PDE10A: variants seen among roughly 807,000 people sequenced by gnomAD.
PDE10A encodes phosphodiesterase 10A.
Under a neutral mutation model 97.7 loss-of-function variants are expected in PDE10A, and 39 were observed. The observed-to-expected ratio is 0.40, with a 90% CI of 0.31 to 0.52. The LOEUF is 0.52. PDE10A is among the 20% of genes least tolerant of loss of function. The pLI is 0.56. For missense variants in PDE10A, 731 were observed against 1,047.8 expected, an observed-to-expected ratio of 0.70 and a Z score of 4.17; for synonymous variants, 371 against 376.8, an observed-to-expected ratio of 0.98 and a Z score of 0.18.
intron 13 of PDE10A, among the ~76,000 whole-genome samples, chr6:165,403,487 TG>T (rs781037699): frequency 2.0e-5 from 3 of 152,178 alleles, no homozygotes; most frequent in Non-Finnish European, 2.9e-5. Flanking sequence ...GCACACCAAC[TG>T]GTATTCTTTA....
intron 1 of PDE10A, among the ~76,000 whole-genome samples, chr6:165,765,635 A>G (rs986668769): frequency 1.3e-5 from 2 of 151,282 alleles, no homozygotes; most frequent in African/African-American, 2.4e-5. Context: ...CGCAAGCGCC[A>G]CATGCAGCCC....
At chr6:165,943,379 C>T (rs1027983939) in intron 1 of PDE10A, among the ~76,000 whole-genome samples, 1 of 96,114 alleles carries the variant, frequency 1.0e-5, no homozygotes, top group Non-Finnish European at 2.1e-5. Context: ...AGAAAACGAA[C>T]GAACTGAGTA....
At chr6:165,624,630 T>C (rs1051116571) in intron 1 of PDE10A, among the ~76,000 whole-genome samples, 2 of 152,174 alleles carry the variant, frequency 1.3e-5, no homozygotes, top group East Asian at 3.8e-4. Flanking sequence ...CTTGTACAAA[T>C]GAATTGCAGC....
intron 2 of PDE10A, among the ~76,000 whole-genome samples, chr6:165,542,773 C>A (rs1008127530): frequency 8.6e-5 from 13 of 151,806 alleles, no homozygotes; most frequent in Non-Finnish European, 1.8e-4. Flanking sequence ...TGCCCACCAC[C>A]ATGCCCGGCT....
At chr6:165,943,219 GA>G (rs1163510297) in intron 1 of PDE10A, among the ~76,000 whole-genome samples, 1,912 of 72,296 alleles carry the variant, frequency 0.026, 45 homozygotes, top group Admixed American at 0.049. Flanking sequence ...AAGAAAGAAA[GA>G]AAGAAAGAAA....
At chr6:165,626,507 CAA>C (rs978222859) in intron 1 of PDE10A, among the ~76,000 whole-genome samples, 3 of 152,102 alleles carry the variant, frequency 2.0e-5, no homozygotes, top group South Asian at 4.1e-4. Context: ...AATAACCTAA[CAA>C]AGAGAGAAGA....
intron 1 of PDE10A, among the ~76,000 whole-genome samples, chr6:165,654,752 G>A (rs1789850525): frequency 6.6e-6 from 1 of 152,132 alleles, no homozygotes; most frequent in South Asian, 2.1e-4. Context: ...TATTATCCAT[G>A]CCACTCCACC....
chr6:165,477,007 T>C (rs1779332490), intron 3 of PDE10A, among the ~76,000 whole-genome samples: 1 of 152,096 alleles, frequency 6.6e-6, no homozygotes, highest in Admixed American at 6.5e-5. Context: ...AAAAGAGTAA[T>C]AGTAATAATA....
chr6:165,610,098 A>G (rs1432591882), intron 1 of PDE10A, among the ~76,000 whole-genome samples: 1 of 152,228 alleles, frequency 6.6e-6, no homozygotes, highest in Non-Finnish European at 1.5e-5. Context: ...ATGCTACCTG[A>G]CTTCAAACTA....
At chr6:165,881,465 A>AAG (rs1781476631) in intron 1 of PDE10A, among the ~76,000 whole-genome samples, 1 of 146,372 alleles carries the variant, frequency 6.8e-6, no homozygotes, top group Non-Finnish European at 1.5e-5. Flanking sequence ...GTGGGATTTC[A>AAG]GCTCACTGCA....
intron 6 of PDE10A, among the ~76,000 whole-genome samples, chr6:165,433,652 A>T (rs1200890150): frequency 6.6e-6 from 1 of 152,238 alleles, no homozygotes; most frequent in Non-Finnish European, 1.5e-5. Context: ...ATAATGATCA[A>T]TTACTTATCA....
At chr6:165,890,022 C>G (rs554358264) in intron 1 of PDE10A, among the ~76,000 whole-genome samples, 63 of 122,088 alleles carry the variant, frequency 5.2e-4, no homozygotes, top group Non-Finnish European at 9.3e-4. Context: ...CACTCCCTCC[C>G]TCCTCCCTCC....
At chr6:165,358,038 T>C (rs547114867) in intron 18 of PDE10A, among the ~76,000 whole-genome samples, 171 of 152,278 alleles carry the variant, frequency 1.1e-3, no homozygotes, top group African/African-American at 4.0e-3. Context: ...GGTTGAGGTA[T>C]TCTCGGACTT....
chr6:165,808,952 T>C (rs1779208086), intron 1 of PDE10A, among the ~76,000 whole-genome samples: 1 of 152,240 alleles, frequency 6.6e-6, no homozygotes, highest in Non-Finnish European at 1.5e-5. Flanking sequence ...ACAGTAAATA[T>C]AATCAGAGCA....
At chr6:165,624,414 GTTTAAGAC>G in intron 1 of PDE10A, among the ~76,000 whole-genome samples, 1 of 152,288 alleles carries the variant, frequency 6.6e-6, no homozygotes, top group East Asian at 1.9e-4. Context: ...ACTGTTAGAC[GTTTAAGAC>G]TTTAAATTTC....
intron 1 of PDE10A, among the ~76,000 whole-genome samples, chr6:165,768,638 T>C (rs1412930615): frequency 8.5e-5 from 13 of 152,250 alleles, no homozygotes. Context: ...CATATATTTT[T>C]TAAAAAATTA....
chr6:165,406,227 G>GGTGTGTGTGTGT (rs1562431357), intron 13 of PDE10A, among the ~76,000 whole-genome samples: 9 of 30,452 alleles, frequency 3.0e-4, no homozygotes, highest in Non-Finnish European at 5.8e-4. Flanking sequence ...GAGGGAAAAG[G>GGTGTGTGTGTGT]ATGTGTGTGT....
At chr6:165,970,423 A>T (rs1289531530) in intron 1 of PDE10A, among the ~76,000 whole-genome samples, 1 of 152,134 alleles carries the variant, frequency 6.6e-6, no homozygotes, top group Non-Finnish European at 1.5e-5. Flanking sequence ...ATGCACACTA[A>T]ATTATTTGGG....
intron 1 of PDE10A, among the ~76,000 whole-genome samples, chr6:165,594,495 A>G (rs570464456): frequency 6.6e-6 from 1 of 152,318 alleles, no homozygotes; most frequent in Non-Finnish European, 1.5e-5. Context: ...TGATACCCAA[A>G]GTGAAGCAGA....
Sources: gnomAD v4.1 joint callset for allele counts (sites outside exome capture counted in the v4.1 genomes callset) on GRCh38, gnomAD v4.1.1 for gene constraint, MANE v1.5 for transcripts, NCBI Gene and HGNC (gene_info 2026-07-23, HGNC 2026-07-21) for gene names.